FGD4: variants seen among roughly 807,000 people sequenced by gnomAD.
FGD4 encodes FYVE, RhoGEF and PH domain-containing protein 4.
In FGD4, 42 loss-of-function variants were observed where a neutral mutation model predicts 102.0. The observed-to-expected ratio is 0.41, with a 90% CI of 0.32 to 0.53. The LOEUF is 0.53. Among genes scored for constraint, FGD4 ranks in the 20% least tolerant of loss-of-function variants. The pLI is 0.21. For synonymous variants in FGD4, 380 were observed against 375.7 expected, an observed-to-expected ratio of 1.01 and a Z score of -0.13; for missense variants, 902 against 1,078.2, an observed-to-expected ratio of 0.84 and a Z score of 2.29.
intron 1 of FGD4, among the ~76,000 whole-genome samples, chr12:32,420,359 G>A (rs1010449139): frequency 1.3e-5 from 2 of 152,134 alleles, no homozygotes; most frequent in African/African-American, 4.8e-5. Flanking sequence ...TTCCGGGCAT[G>A]TCTTTCCGTT....
At chr12:32,638,071 C>G (rs1396846916) in intron 15 of FGD4, among the ~76,000 whole-genome samples, 2 of 152,134 alleles carry the variant, frequency 1.3e-5, no homozygotes, top group African/African-American at 4.8e-5. Flanking sequence ...GTTAAAAGTT[C>G]AGGCTCTGTT....
At chr12:32,519,111 C>T (rs573333537) in intron 1 of FGD4, among the ~76,000 whole-genome samples, 6 of 127,852 alleles carry the variant, frequency 4.7e-5, no homozygotes, top group Non-Finnish European at 6.5e-5. Flanking sequence ...AGCAAAACTC[C>T]GTCTCAGGAA....
intron 1 of FGD4, among the ~76,000 whole-genome samples, chr12:32,546,232 T>G (rs1288843597): frequency 6.6e-6 from 1 of 152,224 alleles, no homozygotes; most frequent in Non-Finnish European, 1.5e-5. Context: ...TCTTTTCTTC[T>G]TCTCATTATT....
Position 32,627,622 on chromosome 12 carries a change from G to A in FGD4, c.2172+1843G>A, listed in dbSNP as rs1950259085. On this transcript the variant is annotated intron_variant, in intron 14 of 16. Coordinates refer to ENST00000534526, the MANE Select transcript of FGD4 (RefSeq NM_001370298.3). ...TAGTAGAGAAACAAAGGTGGACTTG[G>A]GCACCTGTTAGAAATTTACAGTTAT... Among the ~76,000 whole-genome samples, 6 of 152,092 alleles carry A rather than the reference G, an allele frequency of 3.9e-5. No individual in the cohort carries two copies. The South Asian group carries it at 1.2e-3, about 32-fold the overall frequency.
chr12:32,592,731 T>C (rs1271676723), intron 4 of FGD4, among the ~76,000 whole-genome samples: 8 of 152,210 alleles, frequency 5.3e-5, no homozygotes, highest in Non-Finnish European at 1.0e-4. Flanking sequence ...AATATCCTTA[T>C]AGATGAGTTT....
chr12:32,436,384 A>G (rs1942228709), intron 1 of FGD4, among the ~76,000 whole-genome samples: 1 of 152,200 alleles, frequency 6.6e-6, no homozygotes. Flanking sequence ...AAGGCTTTGG[A>G]AGGAAAGAAA....
chr12:32,566,364 T>G (rs79093589), intron 2 of FGD4, among the ~76,000 whole-genome samples: 4,721 of 152,220 alleles, frequency 0.031, 235 homozygotes, highest in African/African-American at 0.11. Flanking sequence ...ACATGAATTT[T>G]GGGACACAAA....
chr12:32,573,997 C>CT (rs1945915712), intron 2 of FGD4, among the ~76,000 whole-genome samples: 1 of 152,106 alleles, frequency 6.6e-6, no homozygotes, highest in Non-Finnish European at 1.5e-5. Context: ...TTTACTGCAG[C>CT]TTTATTATTT....
intron 1 of FGD4, among the ~76,000 whole-genome samples, chr12:32,438,954 G>A (rs1049811877): frequency 6.6e-6 from 1 of 152,086 alleles, no homozygotes; most frequent in Admixed American, 6.6e-5. Context: ...TGATTCGATC[G>A]ATTTGACCAG....
chr12:32,465,441 G>A (rs1024746696), intron 1 of FGD4, among the ~76,000 whole-genome samples: 8 of 151,784 alleles, frequency 5.3e-5, no homozygotes, highest in Non-Finnish European at 8.8e-5. Context: ...AGGCTGAGGC[G>A]GGCAGATCAC....
intron 14 of FGD4, among the ~76,000 whole-genome samples, chr12:32,627,332 CTT>C (rs914363445): frequency 1.3e-5 from 2 of 149,988 alleles, no homozygotes; most frequent in African/African-American, 4.9e-5. Flanking sequence ...TTTTTTGTAT[CTT>C]TAGTACAGAC....
At chr12:32,562,763 A>T (rs992365851) in intron 1 of FGD4, among the ~76,000 whole-genome samples, 1 of 152,208 alleles carries the variant, frequency 6.6e-6, no homozygotes, top group African/African-American at 2.4e-5. Context: ...CCCAAGGCAG[A>T]AGAATTTTTC....
intron 4 of FGD4, among the ~76,000 whole-genome samples, chr12:32,589,964 G>A (rs1231006147): frequency 6.6e-6 from 1 of 152,178 alleles, no homozygotes; most frequent in East Asian, 1.9e-4. Context: ...GAAGCTTCTT[G>A]AAGGATCATG....
chr12:32,436,356 A>G (rs191487913), intron 1 of FGD4, among the ~76,000 whole-genome samples: 1 of 152,340 alleles, frequency 6.6e-6, no homozygotes, highest in East Asian at 1.9e-4. Flanking sequence ...AAGGATAAAA[A>G]GTGGCACAAG....
chr12:32,407,766 G>A (rs887426798), intron 1 of FGD4, among the ~76,000 whole-genome samples: 1 of 152,074 alleles, frequency 6.6e-6, no homozygotes. Flanking sequence ...TTATCAGACT[G>A]GGGTATCTGA....
At chr12:32,430,716 C>T (rs1437652160) in intron 1 of FGD4, among the ~76,000 whole-genome samples, 1 of 152,106 alleles carries the variant, frequency 6.6e-6, no homozygotes, top group Non-Finnish European at 1.5e-5. Context: ...TTAGGTAAGC[C>T]TTTCCCCACT....
At chr12:32,485,597 C>T (rs1019615052) in intron 1 of FGD4, among the ~76,000 whole-genome samples, 5 of 151,764 alleles carry the variant, frequency 3.3e-5, no homozygotes, top group South Asian at 2.1e-4. Flanking sequence ...CCTGCCACCA[C>T]GCCTGGCTAA....
chr12:32,576,522 A>C, intron 3 of FGD4, 73 bp downstream of exon 3: 1 of 1,495,872 alleles, frequency 6.7e-7, no homozygotes. Context: ...ATAGTCATAG[A>C]TACATTCTAA....
chr12:32,409,936 T>A (rs779130032), intron 1 of FGD4, among the ~76,000 whole-genome samples: 3 of 149,740 alleles, frequency 2.0e-5, no homozygotes, highest in Non-Finnish European at 4.4e-5. Flanking sequence ...GTGGCCACAT[T>A]GGGAGGATTG....
Sources: allele counts gnomAD v4.1 joint callset (sites outside exome capture counted in the v4.1 genomes callset), GRCh38; gene constraint gnomAD v4.1.1; transcripts MANE v1.5; gene names NCBI Gene and HGNC (gene_info 2026-07-23, HGNC 2026-07-21).